Variants in GRM5 observed in about 807,000 individuals in gnomAD.
GRM5 encodes glutamate metabotropic receptor 5.
GRM5 carries 19 observed loss-of-function variants against 83.1 expected under a neutral mutation model. The ratio of observed to expected loss-of-function variants is 0.23; its 90% CI spans 0.16 to 0.34. The LOEUF is 0.34. Ranked by LOEUF, GRM5 falls within the 10% of genes least tolerant of loss-of-function variation. The pLI, the probability that GRM5 is intolerant of heterozygous loss-of-function variation, is 1.00. For synonymous variants in GRM5, 675 were observed against 633.6 expected (o/e 1.07, Z -0.98); for missense variants, 1,160 against 1,588.3 (o/e 0.73, Z 4.58).
chr11:88,571,716 C>A (rs1490572367), intron 7 of GRM5, among the ~76,000 whole-genome samples: 1 of 152,148 alleles, frequency 6.6e-6, no homozygotes, highest in Non-Finnish European at 1.5e-5. Context: ...ACCCATCGTG[C>A]AAATGCCTTA....
chr11:89,030,500 T>G (rs1456833466), intron 2 of GRM5, among the ~76,000 whole-genome samples: 1 of 152,126 alleles, frequency 6.6e-6, no homozygotes, highest in African/African-American at 2.4e-5. Flanking sequence ...AATGTCTTTG[T>G]GCCTTCATTT....
At chr11:88,547,349 A>G (rs1942407810) in intron 8 of GRM5, among the ~76,000 whole-genome samples, 1 of 152,178 alleles carries the variant, frequency 6.6e-6, no homozygotes, top group Non-Finnish European at 1.5e-5. Context: ...CCAGAATTGA[A>G]AGTGTAATGA....
chr11:88,626,946 C>A (rs1314117088), intron 4 of GRM5, among the ~76,000 whole-genome samples: 1 of 152,182 alleles, frequency 6.6e-6, no homozygotes, highest in African/African-American at 2.4e-5. Context: ...ACATCCTGAT[C>A]TCCGGCTTCC....
At chr11:88,871,488 G>C (rs943152316) in intron 2 of GRM5, among the ~76,000 whole-genome samples, 1 of 151,620 alleles carries the variant, frequency 6.6e-6, no homozygotes. Context: ...CTGAAAGAAG[G>C]CAGCAAGACA....
chr11:88,629,366 T>G (rs550749859), intron 4 of GRM5, among the ~76,000 whole-genome samples: 13 of 152,342 alleles, frequency 8.5e-5, no homozygotes, highest in African/African-American at 2.9e-4. Context: ...TATAGTCAGC[T>G]GCACCTTACC....
At chr11:88,830,274 A>G (rs1339375371) in intron 3 of GRM5, among the ~76,000 whole-genome samples, 1 of 151,712 alleles carries the variant, frequency 6.6e-6, no homozygotes, top group East Asian at 1.9e-4. Flanking sequence ...TTCTTCTGAC[A>G]TTCTGTTATA....
intron 7 of GRM5, among the ~76,000 whole-genome samples, chr11:88,574,805 G>T (rs1943072391): frequency 6.6e-6 from 1 of 151,958 alleles, no homozygotes; most frequent in Non-Finnish European, 1.5e-5. Flanking sequence ...CTAGTCATTT[G>T]GGACATTTTT....
intron 1 of GRM5, among the ~76,000 whole-genome samples, chr11:89,064,876 CTCTCTCTCTCTCTG>C (rs1359742638): frequency 1.3e-4 from 6 of 47,372 alleles, no homozygotes; most frequent in Non-Finnish European, 2.5e-4. Flanking sequence ...CTCTCTCTCT[CTCTCTCTCTCTCTG>C]TGTGTGTGTG....
chr11:88,556,596 C>T lies in GRM5; in HGVS notation c.2630+10457G>A, dbSNP rs1942634450. On this transcript the variant is annotated intron_variant, in intron 8 of 9. Transcript: ENST00000305447. ...TTAGCCTCCCAAAGTTCTGGGATTA[C>T]AGGCATGAGCCACCATGCATGGCCC... 2.0e-5 allele frequency among the ~76,000 whole-genome samples: 3 copies of T among 152,202 alleles called. No individual in the cohort carries two copies. The South Asian group carries it at 6.2e-4, about 32-fold the overall frequency.
At position 88,961,076 on chromosome 11, in the gene GRM5, G is replaced by C. The variant is rs368300802; in HGVS notation, c.661+86136C>G. On this transcript the variant is annotated intron_variant, in intron 2 of 9. Coordinates refer to ENST00000305447, the MANE Select transcript of GRM5 (RefSeq NM_001143831.3). The stretch of plus-strand genomic sequence containing the variant: ...AAAATAACTGCTAGATTATATCACT[G>C]GCTCTTTAATTTATAGTTGCTAGGG... 2.5e-3 allele frequency among the ~76,000 whole-genome samples: 379 copies of C among 152,232 alleles called. 1 individual carries two copies. The highest frequency in any genetic ancestry group is 8.5e-3 in the African/African-American group (353 of 41,548).
chr11:89,058,123 T>G (rs1941915182), intron 1 of GRM5, among the ~76,000 whole-genome samples: 1 of 152,206 alleles, frequency 6.6e-6, no homozygotes, highest in Non-Finnish European at 1.5e-5. Flanking sequence ...CCTCATGCAT[T>G]GATTGCAAAG....
intron 2 of GRM5, among the ~76,000 whole-genome samples, chr11:88,893,936 C>G (rs1945188602): frequency 2.6e-5 from 4 of 151,930 alleles, no homozygotes; most frequent in Admixed American, 2.6e-4. Context: ...TTTGGTAATG[C>G]TTTTCTTTTT....
At chr11:88,583,315 G>GA (rs1943251809) in intron 7 of GRM5, among the ~76,000 whole-genome samples, 1 of 152,084 alleles carries the variant, frequency 6.6e-6, no homozygotes, top group Admixed American at 6.6e-5. Flanking sequence ...CCTCTTAAGT[G>GA]AAGAGACAAA....
At chr11:88,594,038 C>T (rs1051286837) in intron 6 of GRM5, among the ~76,000 whole-genome samples, 1 of 152,038 alleles carries the variant, frequency 6.6e-6, no homozygotes, top group African/African-American at 2.4e-5. Flanking sequence ...TGTGATCCGC[C>T]CGCCTAGGCC....
chr11:88,879,543 A>C (rs1944916701), intron 2 of GRM5, among the ~76,000 whole-genome samples: 1 of 152,024 alleles, frequency 6.6e-6, no homozygotes, highest in African/African-American at 2.4e-5. Flanking sequence ...AGAAAAATAC[A>C]CACATTAAAA....
intron 1 of GRM5, among the ~76,000 whole-genome samples, chr11:89,053,772 T>G (rs978108361): frequency 2.0e-5 from 3 of 151,384 alleles, no homozygotes; most frequent in Non-Finnish European, 2.9e-5. Flanking sequence ...AAGCATAAAC[T>G]GAAAAAATAA....
chr11:88,546,837 T>C (rs898143253), intron 8 of GRM5, among the ~76,000 whole-genome samples: 3 of 152,110 alleles, frequency 2.0e-5, no homozygotes, highest in Non-Finnish European at 4.4e-5. Flanking sequence ...AGAAGATTAA[T>C]GCTGAGGAGA....
intron 2 of GRM5, among the ~76,000 whole-genome samples, chr11:89,036,497 ATACT>A (rs985466243): frequency 6.6e-6 from 1 of 152,098 alleles, no homozygotes; most frequent in Non-Finnish European, 1.5e-5. Flanking sequence ...AATTTAGAAG[ATACT>A]TACTGAATGT....
chr11:88,858,954 C>A (rs1320635462), intron 2 of GRM5, among the ~76,000 whole-genome samples: 3 of 151,838 alleles, frequency 2.0e-5, no homozygotes, highest in Non-Finnish European at 4.4e-5. Flanking sequence ...CTGAGTTATA[C>A]CCTAAAGAAT....
Sources: gnomAD v4.1 joint callset for allele counts (sites outside exome capture counted in the v4.1 genomes callset) on GRCh38, gnomAD v4.1.1 for gene constraint, MANE v1.5 for transcripts, NCBI Gene and HGNC (gene_info 2026-07-23, HGNC 2026-07-21) for gene names.